The following ELAVL4 variants were observed in gnomAD, a reference collection of about 807,000 sequenced individuals.
ELAVL4 encodes the protein ELAV-like protein 4.
Under a neutral mutation model 35.6 loss-of-function variants are expected in ELAVL4, and 1 was observed. The observed-to-expected ratio is 0.03, with a 90% CI of 0.01 to 0.13. The LOEUF (loss-of-function observed/expected upper bound fraction) is 0.13, where lower values mean the gene tolerates loss of function less well. Ranked by LOEUF, ELAVL4 falls within the 10% of genes least tolerant of loss-of-function variation. ELAVL4 has a pLI of 1.00. For synonymous variants in ELAVL4, 156 were observed against 171.0 expected (o/e 0.91, Z 0.69); for missense variants, 267 against 464.9 (o/e 0.57, Z 3.91).
chr1:50,194,617 C>T (rs993977400), intron 4 of ELAVL4, among the ~76,000 whole-genome samples: 27 of 152,170 alleles, frequency 1.8e-4, no homozygotes, highest in Non-Finnish European at 4.0e-4. Flanking sequence ...CTGCTCTGCC[C>T]TAGACATTGT....
chr1:50,056,477 A>T (rs537552172), intron 1 of ELAVL4, among the ~76,000 whole-genome samples: 1 of 152,250 alleles, frequency 6.6e-6, no homozygotes, highest in Non-Finnish European at 1.5e-5. Context: ...ATAATACATT[A>T]CTCATATGTT....
At chr1:50,096,447 G>T (rs1665720636) in intron 1 of ELAVL4, among the ~76,000 whole-genome samples, 2 of 150,106 alleles carry the variant, frequency 1.3e-5, no homozygotes, top group South Asian at 4.3e-4. Context: ...TGAGAGAATA[G>T]ATGGTCATAT....
chr1:50,109,343 GAGTGCGGGT>G, intron 1 of ELAVL4, 145 bp downstream of exon 1: 1 of 824,242 alleles, frequency 1.2e-6, no homozygotes, highest in Non-Finnish European at 1.9e-6. Flanking sequence ...TTTGTGTAGA[GAGTGCGGGT>G]AGGTCCTTTT....
chr1:50,125,522 A>T (rs751107705), intron 1 of ELAVL4, among the ~76,000 whole-genome samples: 82 of 152,050 alleles, frequency 5.4e-4, no homozygotes, highest in Non-Finnish European at 1.0e-3. Context: ...TAAGGTGGTC[A>T]TCTGTGGAAT....
chr1:50,103,767 T>G, upstream of ELAVL4: 1 of 657,852 alleles, frequency 1.5e-6, no homozygotes, highest in Non-Finnish European at 2.6e-6. Context: ...TGTGTGTGGA[T>G]ATGTGAGTGT....
chr1:50,073,358 T>A (rs1664617469), intron 1 of ELAVL4, among the ~76,000 whole-genome samples: 1 of 152,218 alleles, frequency 6.6e-6, no homozygotes, highest in African/African-American at 2.4e-5. Context: ...AAATTCTTTT[T>A]TATTATTTTA....
At chr1:50,150,356 C>T (rs947920647) in intron 2 of ELAVL4, among the ~76,000 whole-genome samples, 1 of 152,216 alleles carries the variant, frequency 6.6e-6, no homozygotes, top group Non-Finnish European at 1.5e-5. Context: ...ATGACCTTCA[C>T]TACTGTGGGC....
intron 1 of ELAVL4, among the ~76,000 whole-genome samples, chr1:50,053,212 G>A (rs1301980898): frequency 1.3e-5 from 2 of 152,144 alleles, no homozygotes; most frequent in Admixed American, 6.5e-5. Flanking sequence ...TATAGTTGGG[G>A]TGAGTCTATT....
intron 1 of ELAVL4, among the ~76,000 whole-genome samples, chr1:50,114,401 A>C (rs1667596945): frequency 6.6e-6 from 1 of 151,988 alleles, no homozygotes; most frequent in South Asian, 2.1e-4. Flanking sequence ...TATATTTGTG[A>C]AATCTCCACG....
chr1:50,195,476 A>G, intron 4 of ELAVL4, 85 bp from the exon 5 acceptor site: 1 of 1,481,536 alleles, frequency 6.7e-7, no homozygotes, highest in Non-Finnish European at 9.4e-7. Context: ...CTCCTCACAC[A>G]ATATCCACAG....
At chr1:50,075,404 A>G (rs1664714745) in intron 1 of ELAVL4, among the ~76,000 whole-genome samples, 1 of 152,166 alleles carries the variant, frequency 6.6e-6, no homozygotes, top group African/African-American at 2.4e-5. Flanking sequence ...ACATAATACC[A>G]TTTTCATTTT....
intron 2 of ELAVL4, among the ~76,000 whole-genome samples, chr1:50,167,026 T>C (rs1678053190): frequency 6.6e-6 from 1 of 152,212 alleles, no homozygotes; most frequent in South Asian, 2.1e-4. Flanking sequence ...CTAGAGGTGA[T>C]GGTGAGTGGT....
chr1:50,074,304 A>T (rs1242925313), intron 1 of ELAVL4, among the ~76,000 whole-genome samples: 2 of 152,218 alleles, frequency 1.3e-5, no homozygotes, highest in Admixed American at 1.3e-4. Context: ...ACTTCAGAGT[A>T]GGCACTCTAG....
rs202003839 is a variant in ELAVL4, at chr1:50,165,788, A to G, written c.251-11301A>G. 1.1e-3 allele frequency among the ~76,000 whole-genome samples: 148 copies of G among 140,622 alleles called. 3 individuals are homozygous for G. The South Asian group carries it at 0.024, about 23-fold the overall frequency. 92.3% of individuals were successfully genotyped at this position (140,622 alleles called of 152,430 possible). On this transcript the variant is annotated intron_variant, in intron 2 of 6. Transcript: ENST00000371824. Reference sequence around the variant, plus strand: ...TGTGTATATGTGTGTATATATGTGTATATATATGTGTATATGTGTGTGTGT... The same window carrying G: ...TGTGTATATGTGTGTATATATGTGTGTATATATGTGTATATGTGTGTGTGT...
chr1:50,180,765 C>G (rs1680899014), intron 3 of ELAVL4: 1 of 152,156 alleles, frequency 6.6e-6, no homozygotes, highest in African/African-American at 2.4e-5. Flanking sequence ...ATACAACAGG[C>G]CAGCAGTGGA....
At chr1:50,093,915 C>T (rs765237021) in intron 1 of ELAVL4, among the ~76,000 whole-genome samples, 2 of 152,182 alleles carry the variant, frequency 1.3e-5, no homozygotes, top group Non-Finnish European at 2.9e-5. Context: ...TATTTAACCT[C>T]TTTCTTAGTT....
chr1:50,083,400 C>A (rs1665097139), intron 1 of ELAVL4, among the ~76,000 whole-genome samples: 1 of 152,080 alleles, frequency 6.6e-6, no homozygotes, highest in African/African-American at 2.4e-5. Flanking sequence ...ATTACTAATT[C>A]ATCAAAGTAG....
intron 1 of ELAVL4, among the ~76,000 whole-genome samples, chr1:50,078,534 C>T (rs1189499180): frequency 6.6e-6 from 1 of 152,066 alleles, no homozygotes; most frequent in Non-Finnish European, 1.5e-5. Context: ...GTAGTCAGTA[C>T]CAGGGGAAAC....
At chr1:50,086,073 T>C (rs1379815870) in intron 1 of ELAVL4, among the ~76,000 whole-genome samples, 1 of 152,092 alleles carries the variant, frequency 6.6e-6, no homozygotes, top group East Asian at 1.9e-4. Flanking sequence ...GCAGTGATCT[T>C]TTTTTTTGTA....
Sources: gnomAD v4.1 joint callset for allele counts (sites outside exome capture counted in the v4.1 genomes callset) on GRCh38, gnomAD v4.1.1 for gene constraint, MANE v1.5 for transcripts, NCBI Gene and HGNC (gene_info 2026-07-23, HGNC 2026-07-21) for gene names.